SMO: variants seen among roughly 807,000 people sequenced by gnomAD.
The protein encoded by SMO is smoothened, frizzled class receptor.
SMO carries 40 observed loss-of-function variants against 81.6 expected under a neutral mutation model. That is an observed-to-expected ratio of 0.49 (90% CI 0.38 to 0.64). The LOEUF (loss-of-function observed/expected upper bound fraction) is 0.64, where lower values mean the gene tolerates loss of function less well. Ranked by LOEUF, SMO falls within the 30% of genes least tolerant of loss-of-function variation. SMO has a pLI of 0.00. For synonymous variants in SMO, 434 were observed against 432.1 expected, an observed-to-expected ratio of 1.00 and a Z score of -0.05; for missense variants, 916 against 1,061.1, an observed-to-expected ratio of 0.86 and a Z score of 1.90.
chr7:129,194,030 G>A (rs1375107308), intron 1 of SMO, among the ~76,000 whole-genome samples: 2 of 150,692 alleles, frequency 1.3e-5, no homozygotes, highest in African/African-American at 2.4e-5. Flanking sequence ...AACCCAAGAG[G>A]TTGAGGCTGC....
rs2150654677 is a variant in SMO at position 129,211,028 on chromosome 7, C to T, written c.1716C>T (p.Ala572=). 6.2e-7 allele frequency: 1 copy of T among 1,614,046 alleles called. No homozygotes were observed. The highest frequency in any genetic ancestry group is 8.5e-7 in the Non-Finnish European group (1 of 1,179,968). ...AGAAGAGCAAGATGATTGCCAAGGC[C>T]TTCTCTAAGCGGCACGAGCTCCTGC... ...RIKKSKMIAK[A]FSKRHELLQN... Residue 572 remains alanine, a synonymous_variant, in exon 10 of 12, where the codon GCC becomes GCT. Transcript: ENST00000249373. The surrounding 1 kb of genome is among the most constrained non-coding windows in gnomAD (Gnocchi z 4.6).
rs1793761274 is a variant in SMO at position 129,206,126 on chromosome 7, G to C, written c.921-24G>C. On this transcript the variant is annotated intron_variant, in intron 4 of 11. Transcript: ENST00000249373. The surrounding 1 kb of genome is among the most constrained non-coding windows in gnomAD (Gnocchi z 4.4). ...AGGGAGTACAGAGTGACCGCCTCAA[G>C]TGACACCTCACCTCTCTGCACAGCT... is the stretch of plus-strand genomic sequence containing the variant. 1 of 1,551,408 alleles carries C rather than the reference G, an allele frequency of 6.4e-7. No homozygotes were observed. Among genetic ancestry groups the C allele is most frequent in the African/African-American group, 1.4e-5 (1 of 74,052 alleles).
chr7:129,205,686 T>A lies in SMO; in HGVS notation c.824T>A (p.Phe275Tyr). Residue 275 changes from phenylalanine to tyrosine, a missense_variant, in exon 4 of 12, where the codon TTT becomes TAT. Around this residue, in one of 4 missense-constraint regions of SMO, gnomAD observed 436 missense variants for 570.9 expected, o/e 0.76. Transcript: ENST00000249373. ...CTCTTCTACGTCAATGCGTGCTTCTTTGTGGGCAGCATTGGCTGGCTGGCC... is the reference window on the plus strand; with the variant it reads ...CTCTTCTACGTCAATGCGTGCTTCTATGTGGGCAGCATTGGCTGGCTGGCC... ...VILFYVNACF[F>Y]VGSIGWLAQF... 1 of 1,613,816 alleles carries A rather than the reference T, an allele frequency of 6.2e-7. No homozygotes were observed. Among genetic ancestry groups the A allele is most frequent in the Non-Finnish European group, 8.5e-7 (1 of 1,179,988 alleles).
chr7:129,194,766 C>G (rs868616875), intron 1 of SMO, among the ~76,000 whole-genome samples: 18 of 152,006 alleles, frequency 1.2e-4, no homozygotes, highest in South Asian at 2.1e-4. Flanking sequence ...CAGCTTATTT[C>G]TTTTTTGCTT....
chr7:129,199,811 A>G (rs1384291522), intron 1 of SMO, among the ~76,000 whole-genome samples: 4 of 152,352 alleles, frequency 2.6e-5, no homozygotes, highest in East Asian at 3.9e-4. Context: ...GGAATAAACT[A>G]CAACGAAATA....
chr7:129,209,444 G>T (rs140008261), intron 8 of SMO, 47 bp downstream of exon 8: 2 of 1,344,598 alleles, frequency 1.5e-6, no homozygotes, highest in Non-Finnish European at 1.1e-6. Context: ...TGGAGCCAAG[G>T]CCATAAAGAC....
At chr7:129,196,056 G>T (rs138562394) in intron 1 of SMO, among the ~76,000 whole-genome samples, 1 of 148,602 alleles carries the variant, frequency 6.7e-6, no homozygotes, top group African/African-American at 2.5e-5. Flanking sequence ...AGCCGAGATC[G>T]TGCCACTGCA....
chr7:129,190,506 G>C (rs1470464697), intron 1 of SMO, among the ~76,000 whole-genome samples: 1 of 152,238 alleles, frequency 6.6e-6, no homozygotes, highest in African/African-American at 2.4e-5. Context: ...GCAGAACTGG[G>C]AGCCTCCCTC....
chr7:129,202,857 C>T (rs994017423), intron 1 of SMO, among the ~76,000 whole-genome samples: 1 of 152,180 alleles, frequency 6.6e-6, no homozygotes, highest in Non-Finnish European at 1.5e-5. Context: ...GGAGCTCTAC[C>T]AGAGGCATTA....
chr7:129,197,456 G>C (rs1793602925), intron 1 of SMO, among the ~76,000 whole-genome samples: 1 of 151,962 alleles, frequency 6.6e-6, no homozygotes, highest in African/African-American at 2.4e-5. Flanking sequence ...TGGAGACGAA[G>C]TGTCACTGTC....
chr7:129,206,907 C>G lies in SMO; in HGVS notation c.1264+320C>G, dbSNP rs113826743. 5.6e-3 allele frequency among the ~76,000 whole-genome samples: 853 copies of G among 152,250 alleles called. 10 individuals carry two copies. Among genetic ancestry groups the G allele is most frequent in the African/African-American group, 0.02 (821 of 41,546 alleles). On this transcript the variant is annotated intron_variant, in intron 6 of 11. Transcript: ENST00000249373. This position sits in a 1 kb window ranked among gnomAD's most constrained non-coding sequence, Gnocchi z 4.4. ...TTGCCCAGGCTGGAGTGCAGTGGCA[C>G]AATCTTGGCTCACTGCAACCTTCGC...
At chr7:129,200,572 A>C (rs1032552083) in intron 1 of SMO, among the ~76,000 whole-genome samples, 1 of 152,252 alleles carries the variant, frequency 6.6e-6, no homozygotes, top group African/African-American at 2.4e-5. Context: ...GTTGTCCTTG[A>C]AGATGTATTT....
intron 1 of SMO, among the ~76,000 whole-genome samples, chr7:129,197,839 A>G (rs1315701602): frequency 6.6e-6 from 1 of 152,196 alleles, no homozygotes; most frequent in Non-Finnish European, 1.5e-5. Flanking sequence ...CAGCCTTAGA[A>G]CAGTGATACT....
rs2150646473 is a variant in SMO at position 129,203,397 on chromosome 7, C to T, written c.345C>T (p.Ala115=). 6.4e-7 allele frequency: 1 copy of T among 1,552,038 alleles called. No individual in the cohort carries two copies. The highest frequency in any genetic ancestry group is 8.7e-7 in the Non-Finnish European group (1 of 1,147,422). The change falls in exon 2 of 12, where the codon GCC becomes GCT. Residue 115 remains alanine, a synonymous_variant. Coordinates refer to ENST00000249373, the MANE Select transcript of SMO (RefSeq NM_005631.5). ...TGCCACCCCCAGGCCTCCGGAATGC[C>T]CCCCGCTGCTGGGCAGTGATCCAGC... The part of the protein sequence containing the change: ...KLVLWSGLRN[A]PRCWAVIQPL...
chr7:129,199,079 T>A (rs1793624442), intron 1 of SMO, among the ~76,000 whole-genome samples: 2 of 152,244 alleles, frequency 1.3e-5, no homozygotes, highest in African/African-American at 4.8e-5. Flanking sequence ...TGGTAGATAA[T>A]GCCAAAGTGA....
intron 1 of SMO, among the ~76,000 whole-genome samples, chr7:129,196,525 A>G (rs1793583014): frequency 6.6e-6 from 1 of 152,132 alleles, no homozygotes; most frequent in African/African-American, 2.4e-5. Context: ...CTTGGAAAAA[A>G]AAAGAGACAT....
At position 129,209,284 on chromosome 7, in the gene SMO, C is replaced by T. The variant is rs1329684820; in HGVS notation, c.1358-5C>T. ...AACGTCCTGTCCTGCCCCTGTCCTC[C>T]ACAGGCATTTTTGGCTTCCTGGCCT... On this transcript the variant is annotated splice_polypyrimidine_tract_variant and splice_region_variant and intron_variant, in intron 7 of 11. Transcript: ENST00000249373. 3.8e-6 allele frequency: 6 copies of T among 1,590,504 alleles called. No homozygotes were observed. In the Admixed American group the frequency reaches 6.7e-5, roughly 18 times the overall value.
chr7:129,207,524 T>G (rs1007195032), intron 6 of SMO, among the ~76,000 whole-genome samples: 3 of 152,192 alleles, frequency 2.0e-5, no homozygotes, highest in Non-Finnish European at 2.9e-5. Context: ...CCCCTCTTTT[T>G]GGCATAGTGT....
Position 129,206,406 on chromosome 7 carries a change from G to A in SMO, c.1140+37G>A, listed in dbSNP as rs779097634. On this transcript the variant is annotated intron_variant, in intron 5 of 11. Coordinates refer to ENST00000249373, the MANE Select transcript of SMO (RefSeq NM_005631.5). This position sits in a 1 kb window ranked among gnomAD's most constrained non-coding sequence, Gnocchi z 4.4. ...GGTAGGAACGGGAGACCTGGATGGG[G>A]TGAGTTTGAGGGAGGGGGCCAGTAA... 3.1e-6 allele frequency: 5 copies of A among 1,613,942 alleles called. No individual in the cohort carries two copies. In the Admixed American group the frequency reaches 6.7e-5, roughly 22 times the overall value.
Sources: allele counts gnomAD v4.1 joint callset (sites outside exome capture counted in the v4.1 genomes callset), GRCh38; gene constraint gnomAD v4.1.1; regional missense constraint gnomAD v4.1.1; non-coding constraint Gnocchi (gnomAD v3.1); transcripts MANE v1.5; gene names NCBI Gene and HGNC (gene_info 2026-07-23, HGNC 2026-07-21).